Variants in HEMK2 observed in about 807,000 individuals in gnomAD.
HEMK2 encodes methyltransferase HEMK2.
At chr21:28,767,163 C>T in the HEMK2 span, among the ~76,000 whole-genome samples, 1 of 152,034 alleles carries the variant, frequency 6.6e-6, no homozygotes, top group African/African-American at 2.4e-5. Flanking sequence ...TTGCCTGCCA[C>T]CATCCATGTA....
At chr21:28,882,164 T>C in the HEMK2 span, 2 of 1,574,006 alleles carry the variant, frequency 1.3e-6, no homozygotes, top group Non-Finnish European at 1.7e-6. Flanking sequence ...TCTTACCAAA[T>C]CTGTAATAAC....
At chr21:28,616,211 G>A in the HEMK2 span, among the ~76,000 whole-genome samples, 1 of 152,176 alleles carries the variant, frequency 6.6e-6, no homozygotes, top group Non-Finnish European at 1.5e-5. Flanking sequence ...GCTGAAGATA[G>A]TGCTAATAAT....
the HEMK2 span, among the ~76,000 whole-genome samples, chr21:28,774,621 G>C: frequency 6.6e-6 from 1 of 152,098 alleles, no homozygotes; most frequent in East Asian, 1.9e-4. Context: ...CCCATATACA[G>C]AACTATTCAG....
At chr21:28,733,137 G>T in the HEMK2 span, among the ~76,000 whole-genome samples, 1 of 152,046 alleles carries the variant, frequency 6.6e-6, no homozygotes, top group South Asian at 2.1e-4. Flanking sequence ...AAATTAGCCG[G>T]GCGTGGTGGT....
chr21:28,730,417 C>A, the HEMK2 span, among the ~76,000 whole-genome samples: 1 of 95,392 alleles, frequency 1.0e-5, no homozygotes, highest in South Asian at 3.2e-4. Flanking sequence ...CACACACACA[C>A]ATTTCTCACA....
At chr21:28,680,676 A>G in the HEMK2 span, among the ~76,000 whole-genome samples, 5 of 152,360 alleles carry the variant, frequency 3.3e-5, no homozygotes, top group African/African-American at 1.2e-4. Flanking sequence ...AACCGAATCC[A>G]GCAGCACATC....
the HEMK2 span, among the ~76,000 whole-genome samples, chr21:28,641,935 C>A: frequency 6.6e-6 from 1 of 152,204 alleles, no homozygotes; most frequent in Non-Finnish European, 1.5e-5. Flanking sequence ...TTCTCTCCCA[C>A]AAGATTCAAC....
At chr21:28,611,372 T>C in the HEMK2 span, among the ~76,000 whole-genome samples, 1 of 152,150 alleles carries the variant, frequency 6.6e-6, no homozygotes, top group African/African-American at 2.4e-5. Context: ...TGACATAACC[T>C]ATCAAAACCT....
chr21:28,595,771 T>C, the HEMK2 span, among the ~76,000 whole-genome samples: 3 of 142,372 alleles, frequency 2.1e-5, no homozygotes, highest in East Asian at 3.9e-4. Context: ...TATTTTATTT[T>C]ACTTTATTTA....
the HEMK2 span, among the ~76,000 whole-genome samples, chr21:28,783,815 G>A: frequency 2.6e-5 from 4 of 152,186 alleles, no homozygotes; most frequent in South Asian, 2.1e-4. Context: ...CACGAGTTCC[G>A]GGTAGGGATG....
At chr21:28,772,754 T>A in the HEMK2 span, among the ~76,000 whole-genome samples, 3 of 152,152 alleles carry the variant, frequency 2.0e-5, no homozygotes, top group African/African-American at 7.2e-5. Flanking sequence ...CACATCAGCA[T>A]TAACCAAATG....
the HEMK2 span, among the ~76,000 whole-genome samples, chr21:28,643,782 A>C: frequency 2.0e-5 from 3 of 152,210 alleles, no homozygotes; most frequent in African/African-American, 7.2e-5. Context: ...GTCTATGATA[A>C]TTTGTTCTAG....
At chr21:28,693,289 A>C in the HEMK2 span, among the ~76,000 whole-genome samples, 1 of 152,208 alleles carries the variant, frequency 6.6e-6, no homozygotes, top group Admixed American at 6.5e-5. Flanking sequence ...TTTACAAAGA[A>C]GGTGGCATTT....
chr21:28,822,511 T>C, the HEMK2 span, among the ~76,000 whole-genome samples: 3 of 152,034 alleles, frequency 2.0e-5, no homozygotes, highest in South Asian at 4.2e-4. Flanking sequence ...GAATAAAATA[T>C]GTAAGGAATT....
At chr21:28,749,549 GC>G in the HEMK2 span, among the ~76,000 whole-genome samples, 24,363 of 152,080 alleles carry the variant, frequency 0.16, 2,218 homozygotes, top group East Asian at 0.25. Flanking sequence ...ATTCCTAACA[GC>G]CCTGTCACTT....
the HEMK2 span, among the ~76,000 whole-genome samples, chr21:28,675,251 TTAAAC>T: frequency 6.6e-6 from 1 of 152,168 alleles, no homozygotes; most frequent in Non-Finnish European, 1.5e-5. Flanking sequence ...TTTTGCTGCT[TTAAAC>T]AATACATTTA....
chr21:28,857,342 T>C, the HEMK2 span, among the ~76,000 whole-genome samples: 1 of 152,150 alleles, frequency 6.6e-6, no homozygotes, highest in Non-Finnish European at 1.5e-5. Context: ...GCACAAAACG[T>C]ATTTTGTAAA....
chr21:28,596,640 C>A, the HEMK2 span, among the ~76,000 whole-genome samples: 5 of 152,052 alleles, frequency 3.3e-5, no homozygotes, highest in African/African-American at 1.2e-4. Context: ...ATTTATTTTT[C>A]TTTTGAGAAA....
the HEMK2 span, among the ~76,000 whole-genome samples, chr21:28,655,520 A>T: frequency 6.6e-6 from 1 of 152,106 alleles, no homozygotes; most frequent in African/African-American, 2.4e-5. Flanking sequence ...GGCAGGAAGC[A>T]GCTCAGACTG....
Sources: gnomAD v4.1 joint callset for allele counts (sites outside exome capture counted in the v4.1 genomes callset) on GRCh38, gnomAD v4.1.1 for gene constraint, MANE v1.5 for transcripts, NCBI Gene and HGNC (gene_info 2026-07-23, HGNC 2026-07-21) for gene names.